Variants in LONRF1 observed in about 807,000 individuals in gnomAD.
The protein encoded by LONRF1 is LON peptidase N-terminal domain and RING finger protein 1.
LONRF1 carries 37 observed loss-of-function variants against 85.8 expected under a neutral mutation model. The ratio of observed to expected loss-of-function variants is 0.43; its 90% CI spans 0.33 to 0.57. The LOEUF (loss-of-function observed/expected upper bound fraction) is 0.57. Ranked by LOEUF, LONRF1 falls within the 20% of genes least tolerant of loss-of-function variation. The pLI is 0.04. For synonymous variants in LONRF1, 517 were observed against 390.1 expected (o/e 1.33, Z -3.83); for missense variants, 1,036 against 978.0 (o/e 1.06, Z -0.79).
intron 1 of LONRF1, among the ~76,000 whole-genome samples, chr8:12,750,483 T>C (rs773219203): frequency 5.9e-5 from 9 of 152,170 alleles, no homozygotes; most frequent in Admixed American, 3.3e-4. Flanking sequence ...AATAGAACAA[T>C]ATAACAATAT....
chr8:12,724,419 G>A (rs1390437383), intron 11 of LONRF1, among the ~76,000 whole-genome samples: 1 of 152,154 alleles, frequency 6.6e-6, no homozygotes, highest in Admixed American at 6.5e-5. Flanking sequence ...GCACGCTGTT[G>A]GCTGTTTCTG....
intron 7 of LONRF1, among the ~76,000 whole-genome samples, chr8:12,733,385 A>C (rs1798601686): frequency 6.6e-6 from 1 of 152,320 alleles, no homozygotes; most frequent in African/African-American, 2.4e-5. Context: ...CTTCATAAAT[A>C]TATGGCTTTT....
At position 12,755,486 on chromosome 8, in the gene LONRF1, T is replaced by C. The variant is rs1799611053; in HGVS notation, c.-66A>G. On this transcript the variant is annotated 5_prime_UTR_variant, in exon 1 of 12. Coordinates refer to ENST00000398246, the MANE Select transcript of LONRF1 (RefSeq NM_152271.5). ...TCCCGGAGCCTCCCGGGCGCGCGGC[T>C]CCGCACGCGGCCCGCGAGCAGGGGG... 1.1e-6 allele frequency: 1 copy of C among 897,446 alleles called. No homozygotes were observed. Among genetic ancestry groups the C allele is most frequent in the Non-Finnish European group, 1.4e-6 (1 of 737,524 alleles). The allele number at this position is 897,446 out of a possible 1,614,324, so 55.6% of individuals were successfully genotyped here.
intron 7 of LONRF1, among the ~76,000 whole-genome samples, chr8:12,734,556 C>A (rs547807372): frequency 6.6e-6 from 1 of 152,136 alleles, no homozygotes; most frequent in Non-Finnish European, 1.5e-5. Context: ...TAAGAGGGTG[C>A]TCTCTTCTCA....
At chr8:12,751,399 C>T (rs1293907816) in intron 1 of LONRF1, among the ~76,000 whole-genome samples, 1 of 142,110 alleles carries the variant, frequency 7.0e-6, no homozygotes, top group Non-Finnish European at 1.5e-5. Flanking sequence ...CTCCACTTTC[C>T]GGGTTCAAGC....
rs1204494471 is a variant in LONRF1 at position 12,729,344 on chromosome 8, A to G, written c.1689-12T>C. On this transcript the variant is annotated splice_polypyrimidine_tract_variant and intron_variant, in intron 8 of 11. Coordinates refer to ENST00000398246, the MANE Select transcript of LONRF1 (RefSeq NM_152271.5). The stretch of plus-strand genomic sequence containing the variant: ...CATTCTTGGTCAAGCTAAGGGAAAA[A>G]CAGTTTAATTATTAGAATTCATACA... The G allele has an allele frequency of 6.2e-7, 1 of 1,611,632 alleles. No homozygotes were observed. Among genetic ancestry groups the G allele is most frequent in the Non-Finnish European group, 8.5e-7 (1 of 1,178,784 alleles).
intron 2 of LONRF1, 103 bp from the exon 3 acceptor site, chr8:12,741,099 C>T (rs4831354): frequency 0.98 from 1,336,174 of 1,356,846 alleles, 658,970 homozygotes; most frequent in Non-Finnish European, 1. Flanking sequence ...AGTGCCGATT[C>T]TGGGCCGGGT....
Position 12,738,275 on chromosome 8 carries a change from C to T in LONRF1, c.964-131G>A, listed in dbSNP as rs546610220. ...ATTTTTTTAATGAGCAGGAGGGGAA[C>T]AAGGTAAGCAACACTGTAAGTTCAA... is the stretch of plus-strand genomic sequence containing the variant. On this transcript the variant is annotated intron_variant, in intron 3 of 11. Coordinates refer to ENST00000398246, the MANE Select transcript of LONRF1 (RefSeq NM_152271.5). 283 of 596,542 alleles carry T rather than the reference C, an allele frequency of 4.7e-4. 1 individual carries two copies. The highest frequency in any genetic ancestry group is 7.8e-4 in the Admixed American group (21 of 27,024). The allele number at this position is 596,542 out of a possible 1,614,324, so 37.0% of individuals were successfully genotyped here.
intron 7 of LONRF1, among the ~76,000 whole-genome samples, chr8:12,734,915 A>C (rs1353824448): frequency 6.6e-6 from 1 of 152,180 alleles, no homozygotes; most frequent in Non-Finnish European, 1.5e-5. Context: ...ATGTTGAGGA[A>C]GCTGAAACAG....
intron 11 of LONRF1, among the ~76,000 whole-genome samples, chr8:12,725,504 C>T (rs1353590968): frequency 6.6e-6 from 1 of 152,172 alleles, no homozygotes; most frequent in Non-Finnish European, 1.5e-5. Context: ...CTCCTACAGG[C>T]ATCTCAGCTG....
intron 7 of LONRF1, among the ~76,000 whole-genome samples, chr8:12,733,157 G>C (rs1292945866): frequency 6.6e-6 from 1 of 152,072 alleles, no homozygotes; most frequent in African/African-American, 2.4e-5. Flanking sequence ...CATGGGGAGA[G>C]GTGGCCTTGG....
At chr8:12,724,680 G>T (rs939938795) in intron 11 of LONRF1, among the ~76,000 whole-genome samples, 3 of 152,162 alleles carry the variant, frequency 2.0e-5, no homozygotes, top group African/African-American at 7.2e-5. Flanking sequence ...AAGTTATGCT[G>T]AATTTTTCTA....
chr8:12,743,137 T>G (rs1388783047), intron 2 of LONRF1, 27 bp downstream of exon 2: 8 of 1,416,166 alleles, frequency 5.6e-6, no homozygotes, highest in Non-Finnish European at 8.0e-6. Flanking sequence ...TTTTACAATT[T>G]ATGCAAACAT....
At chr8:12,740,177 A>G (rs1325028125) in intron 3 of LONRF1, among the ~76,000 whole-genome samples, 3 of 152,210 alleles carry the variant, frequency 2.0e-5, no homozygotes, top group Admixed American at 6.5e-5. Flanking sequence ...GGAAAGCATC[A>G]TGACTGGGAC....
At position 12,722,692 on chromosome 8, in the gene LONRF1, G is replaced by A. The variant is rs1034105724; in HGVS notation, c.*404C>T. 1.3e-5 allele frequency: 2 copies of A among 155,270 alleles called. No homozygotes were observed. The highest frequency in any genetic ancestry group is 2.9e-5 in the Non-Finnish European group (2 of 69,896). 9.6% of individuals were successfully genotyped at this position (155,270 alleles called of 1,614,324 possible). A position where few individuals can be genotyped will look rare whatever the true frequency, so the allele number is the denominator to read the frequency against. On this transcript the variant is annotated 3_prime_UTR_variant, in exon 12 of 12. Coordinates refer to ENST00000398246, the MANE Select transcript of LONRF1 (RefSeq NM_152271.5). ...CAATAAATGACCCTCGGCAAGTTCT[G>A]CTCTCTATGGCTTTTTTGTTTGTTT...
intron 3 of LONRF1, among the ~76,000 whole-genome samples, chr8:12,739,341 C>CAAAAA (rs35823658): frequency 1.9e-5 from 2 of 106,086 alleles, no homozygotes; most frequent in Non-Finnish European, 2.0e-5. Flanking sequence ...ATATGTTCAG[C>CAAAAA]AAAAAAAAAA....
rs1322703646 is a variant in LONRF1, at chr8:12,735,273, T to A, written c.1566+13A>T. The stretch of plus-strand genomic sequence containing the variant: ...CTTAAGACCAACAAACAGACACATA[T>A]ACAAATATTTACCTCTTTTAAGCTT... On this transcript the variant is annotated intron_variant, in intron 7 of 11. Coordinates refer to ENST00000398246, the MANE Select transcript of LONRF1 (RefSeq NM_152271.5). 3.2e-6 allele frequency: 5 copies of A among 1,546,922 alleles called. No individual in the cohort carries two copies. In the African/African-American group the frequency reaches 6.8e-5, roughly 21 times the overall value.
chr8:12,723,485 T>C (rs1401157663), intron 11 of LONRF1, among the ~76,000 whole-genome samples: 1 of 152,198 alleles, frequency 6.6e-6, no homozygotes, highest in Non-Finnish European at 1.5e-5. Flanking sequence ...GAGATTCAAA[T>C]CTAGACCTGA....
In LONRF1 at chr8:12,743,899, G is replaced by A. The variant is rs114957474; in HGVS notation, c.722-617C>T. Reference sequence around the variant, plus strand: ...TATATTTAATTTAAAATACTCCTGAGAAAAAACGCTTTGTGATTCATTTCA... The same window carrying A: ...TATATTTAATTTAAAATACTCCTGAAAAAAAACGCTTTGTGATTCATTTCA... On this transcript the variant is annotated intron_variant, in intron 1 of 11. Transcript: ENST00000398246. 5.5e-3 allele frequency among the ~76,000 whole-genome samples: 842 copies of A among 152,106 alleles called. 5 individuals are homozygous for A. The highest frequency in any genetic ancestry group is 0.019 in the African/African-American group (808 of 41,482).
Sources: allele counts gnomAD v4.1 joint callset (sites outside exome capture counted in the v4.1 genomes callset), GRCh38; gene constraint gnomAD v4.1.1; transcripts MANE v1.5; gene names NCBI Gene and HGNC (gene_info 2026-07-23, HGNC 2026-07-21).